SEMA3D: variants seen among roughly 807,000 people sequenced by gnomAD.
The protein encoded by SEMA3D is semaphorin 3D, also known as semaphorin-3D.
SEMA3D carries 84 observed loss-of-function variants against 100.1 expected under a neutral mutation model. The ratio of observed to expected loss-of-function variants is 0.84; its 90% CI spans 0.70 to 1.01. The LOEUF is 1.01. Among genes scored for constraint, SEMA3D ranks in the 50% least tolerant of loss-of-function variants. The pLI is 0.00. For synonymous variants in SEMA3D, 312 were observed against 320.7 expected (o/e 0.97, Z 0.29); for missense variants, 875 against 934.1 (o/e 0.94, Z 0.82).
chr7:85,039,270 G>A (rs1160958121), intron 11 of SEMA3D, among the ~76,000 whole-genome samples: 1 of 152,070 alleles, frequency 6.6e-6, no homozygotes, highest in African/African-American at 2.4e-5. Context: ...AGTACAACTT[G>A]TTTTGTTTTG....
chr7:85,230,576 C>G, the SEMA3D span, among the ~76,000 whole-genome samples: 3 of 152,132 alleles, frequency 2.0e-5, no homozygotes, highest in Admixed American at 2.0e-4. Context: ...CCCTTTTCCT[C>G]GATATCTTTC....
chr7:85,236,200 G>A, the SEMA3D span, among the ~76,000 whole-genome samples: 1 of 151,816 alleles, frequency 6.6e-6, no homozygotes, highest in African/African-American at 2.4e-5. Flanking sequence ...TGCAACCCAA[G>A]AACTCCTTTT....
At chr7:85,217,861 C>T in the SEMA3D span, among the ~76,000 whole-genome samples, 1 of 152,038 alleles carries the variant, frequency 6.6e-6, no homozygotes, top group Admixed American at 6.6e-5. Context: ...TTGTTGTTAT[C>T]ATTTATATCA....
chr7:85,153,192 G>T (rs73379845), intron 2 of SEMA3D, among the ~76,000 whole-genome samples: 1 of 151,928 alleles, frequency 6.6e-6, no homozygotes, highest in African/African-American at 2.4e-5. Flanking sequence ...GTATCTGTTT[G>T]TTTGAAAAAA....
intron 4 of SEMA3D, among the ~76,000 whole-genome samples, chr7:85,095,573 C>T (rs1788524687): frequency 6.6e-6 from 1 of 152,016 alleles, no homozygotes; most frequent in Non-Finnish European, 1.5e-5. Flanking sequence ...GGGCACTGAG[C>T]CAATGAAAAC....
intron 4 of SEMA3D, among the ~76,000 whole-genome samples, chr7:85,093,510 G>C (rs1022387374): frequency 2.0e-5 from 3 of 151,922 alleles, no homozygotes; most frequent in African/African-American, 7.2e-5. Flanking sequence ...CCGGGTCCTC[G>C]ATAACATCAT....
chr7:85,108,546 T>G (rs1037958923), intron 3 of SEMA3D, among the ~76,000 whole-genome samples: 11 of 152,028 alleles, frequency 7.2e-5, no homozygotes, highest in Admixed American at 3.9e-4. Context: ...AGAGTATGTC[T>G]GAGATTCTGC....
the SEMA3D span, among the ~76,000 whole-genome samples, chr7:85,240,704 T>A: frequency 2.6e-5 from 4 of 152,312 alleles, no homozygotes; most frequent in African/African-American, 7.2e-5. Flanking sequence ...TATCTTCTTA[T>A]GTGAACTTTG....
chr7:85,135,664 T>TAAAG (rs150741894), intron 2 of SEMA3D, among the ~76,000 whole-genome samples: 6,069 of 145,270 alleles, frequency 0.042, 401 homozygotes, highest in African/African-American at 0.14. Context: ...ATAAAATAAA[T>TAAAG]AAATAAATAA....
chr7:85,169,218 C>T (rs1791018372), intron 1 of SEMA3D, among the ~76,000 whole-genome samples: 1 of 151,624 alleles, frequency 6.6e-6, no homozygotes, highest in South Asian at 2.1e-4. Context: ...TTAAACAAAA[C>T]AAAGAAACAA....
At chr7:85,022,659 G>C (rs1468873441) in intron 12 of SEMA3D, 46 bp from the exon 13 acceptor site, 1 of 1,237,486 alleles carries the variant, frequency 8.1e-7, no homozygotes, top group Non-Finnish European at 1.2e-6. Context: ...TTATGCACCT[G>C]AGAAGTTCAC....
At chr7:85,147,780 A>G (rs1790259172) in intron 2 of SEMA3D, among the ~76,000 whole-genome samples, 1 of 152,154 alleles carries the variant, frequency 6.6e-6, no homozygotes, top group South Asian at 2.1e-4. Context: ...GTAGTTATAT[A>G]TGAAATAACC....
chr7:85,220,725 T>C, the SEMA3D span, among the ~76,000 whole-genome samples: 1 of 152,124 alleles, frequency 6.6e-6, no homozygotes, highest in Non-Finnish European at 1.5e-5. Context: ...TACTCTTGCC[T>C]GATAAAGAAA....
chr7:85,029,540 C>A, intron 12 of SEMA3D: 1 of 574,568 alleles, frequency 1.7e-6, no homozygotes, highest in Non-Finnish European at 3.3e-6. Flanking sequence ...TTTGAACATG[C>A]ACAGCAAGAG....
At chr7:85,102,979 G>A (rs1423223278) in intron 3 of SEMA3D, among the ~76,000 whole-genome samples, 2 of 152,052 alleles carry the variant, frequency 1.3e-5, no homozygotes, top group Non-Finnish European at 2.9e-5. Context: ...GACAATGCTA[G>A]CAGCAAAACG....
chr7:85,139,943 T>G (rs1789994503), intron 2 of SEMA3D: 1 of 171,068 alleles, frequency 5.8e-6, no homozygotes. Context: ...AATAAACACC[T>G]TTTACCTCCC....
chr7:85,212,476 T>C, the SEMA3D span, among the ~76,000 whole-genome samples: 2 of 151,054 alleles, frequency 1.3e-5, no homozygotes, highest in Non-Finnish European at 1.5e-5. Flanking sequence ...GCTGATCAGT[T>C]CTTCTTCAGA....
chr7:85,185,961 C>A (rs1791532585), intron 1 of SEMA3D, among the ~76,000 whole-genome samples: 2 of 152,182 alleles, frequency 1.3e-5, no homozygotes, highest in African/African-American at 2.4e-5. Flanking sequence ...TTTGCCTTAA[C>A]CACATTTCAG....
At chr7:85,237,331 G>A in the SEMA3D span, among the ~76,000 whole-genome samples, 1 of 152,092 alleles carries the variant, frequency 6.6e-6, no homozygotes, top group African/African-American at 2.4e-5. Context: ...ATTTACTTGA[G>A]GTGGCGTACA....
Sources: allele counts gnomAD v4.1 joint callset (sites outside exome capture counted in the v4.1 genomes callset), GRCh38; gene constraint gnomAD v4.1.1; transcripts MANE v1.5; gene names NCBI Gene and HGNC (gene_info 2026-07-23, HGNC 2026-07-21).